Variants in PRH1 observed in about 807,000 individuals in gnomAD.
PRH1 encodes the protein salivary acidic proline-rich phosphoprotein 1/2.
PRH1 carries 7 observed loss-of-function variants against 7.9 expected under a neutral mutation model. The observed-to-expected ratio is 0.89, with a 90% confidence interval of 0.50 to 1.67. The LOEUF (loss-of-function observed/expected upper bound fraction) is 1.67. Among genes scored for constraint, PRH1 ranks in the 40% most tolerant of loss-of-function variants. PRH1 has a pLI of 0.00. For synonymous variants in PRH1, 45 were observed against 80.8 expected, an observed-to-expected ratio of 0.56 and a Z score of 2.38; for missense variants, 109 against 223.6, an observed-to-expected ratio of 0.49 and a Z score of 3.27.
intron 2 of PRH1, among the ~76,000 whole-genome samples, chr12:10,906,728 G>C (rs1949809532): frequency 6.6e-6 from 1 of 152,072 alleles, no homozygotes; most frequent in Non-Finnish European, 1.5e-5. Flanking sequence ...CGTGACTTTT[G>C]TCTCTGCCAT....
intron 2 of PRH1, among the ~76,000 whole-genome samples, chr12:10,923,119 C>G (rs980997830): frequency 6.8e-6 from 1 of 146,418 alleles, no homozygotes; most frequent in Non-Finnish European, 1.5e-5. Flanking sequence ...TGAGCCACCG[C>G]GCCCGGCCCT....
chr12:11,071,196 AG>A (rs1261965325), intron 1 of PRH1, among the ~76,000 whole-genome samples: 1 of 151,494 alleles, frequency 6.6e-6, no homozygotes, highest in Non-Finnish European at 1.5e-5. Context: ...TTTTACCTCC[AG>A]GAAGTGGACC....
At chr12:10,980,580 T>C (rs1037955314) in intron 1 of PRH1, among the ~76,000 whole-genome samples, 2 of 152,030 alleles carry the variant, frequency 1.3e-5, no homozygotes, top group Non-Finnish European at 2.9e-5. Flanking sequence ...ATAATATATA[T>C]AAATACATAT....
chr12:10,986,066 C>G (rs373977293), intron 1 of PRH1: 3 of 1,614,058 alleles, frequency 1.9e-6, no homozygotes, highest in Non-Finnish European at 2.5e-6. Flanking sequence ...TTCCAACAGC[C>G]TTGCTAACCA....
intron 1 of PRH1, among the ~76,000 whole-genome samples, chr12:11,032,439 C>G (rs1225999902): frequency 1.3e-5 from 2 of 152,200 alleles, no homozygotes; most frequent in East Asian, 1.9e-4. Context: ...TCCATAAGAT[C>G]TGGTTGCTGC....
intron 2 of PRH1, among the ~76,000 whole-genome samples, chr12:10,949,945 A>C (rs1238733497): frequency 2.0e-5 from 3 of 152,186 alleles, no homozygotes; most frequent in Non-Finnish European, 2.9e-5. Context: ...GTATTAAAAT[A>C]TATTTTTGCA....
chr12:10,913,686 C>G (rs1949933319), intron 2 of PRH1, among the ~76,000 whole-genome samples: 1 of 152,142 alleles, frequency 6.6e-6, no homozygotes, highest in African/African-American at 2.4e-5. Flanking sequence ...CCCCTCTCCC[C>G]CTTGAAGTTG....
intron 2 of PRH1, among the ~76,000 whole-genome samples, chr12:10,964,218 T>C (rs1330926874): frequency 6.6e-6 from 1 of 152,246 alleles, no homozygotes; most frequent in African/African-American, 2.4e-5. Context: ...TTATTGCCAC[T>C]CTCTCTTAAG....
At chr12:10,939,505 T>G (rs1950356823) in intron 2 of PRH1, among the ~76,000 whole-genome samples, 1 of 151,946 alleles carries the variant, frequency 6.6e-6, no homozygotes, top group South Asian at 2.1e-4. Context: ...GAATTCTCAT[T>G]TGTAAACATG....
chr12:11,018,215 A>C (rs559636806), intron 1 of PRH1, among the ~76,000 whole-genome samples: 1 of 152,306 alleles, frequency 6.6e-6, no homozygotes, highest in Admixed American at 6.5e-5. Context: ...TTACTGCAGA[A>C]CTATTCCCTC....
intron 1 of PRH1, among the ~76,000 whole-genome samples, chr12:11,168,339 G>A (rs1342855890): frequency 2.6e-5 from 1 of 38,140 alleles, no homozygotes; most frequent in African/African-American, 7.7e-5. Flanking sequence ...AAGGAAGGAA[G>A]GAAGGGAAAG....
At chr12:10,908,951 G>A in intron 2 of PRH1, 1 of 1,613,454 alleles carries the variant, frequency 6.2e-7, no homozygotes, top group Non-Finnish European at 8.5e-7. Flanking sequence ...GAAAAGCAGG[G>A]CTAGAGAAAC....
intron 1 of PRH1, among the ~76,000 whole-genome samples, chr12:11,069,659 G>C (rs934909552): frequency 6.6e-6 from 1 of 152,190 alleles, no homozygotes; most frequent in Non-Finnish European, 1.5e-5. Context: ...GATGACAGCA[G>C]TAGCTTCATT....
intron 1 of PRH1, chr12:10,986,609 A>C: frequency 6.2e-7 from 1 of 1,614,050 alleles, no homozygotes; most frequent in Non-Finnish European, 8.5e-7. Context: ...AGGCATTATA[A>C]GAAGTAATTC....
chr12:11,130,957 T>C (rs1232752083), intron 1 of PRH1, among the ~76,000 whole-genome samples: 2 of 151,252 alleles, frequency 1.3e-5, no homozygotes, highest in Admixed American at 1.3e-4. Flanking sequence ...TTTCTCAGAT[T>C]CCCTTCACTA....
chr12:11,120,329 T>G (rs896194334), downstream of PRH1, among the ~76,000 whole-genome samples: 5 of 152,232 alleles, frequency 3.3e-5, no homozygotes, highest in African/African-American at 1.2e-4. Context: ...TCATGAAGTC[T>G]GCCTATACAT....
intron 1 of PRH1, among the ~76,000 whole-genome samples, chr12:11,005,747 T>C (rs754846837): frequency 9.9e-5 from 15 of 152,120 alleles, no homozygotes; most frequent in Admixed American, 2.6e-4. Context: ...ATTTTCCCTC[T>C]CACCCTTTTC....
At chr12:11,002,396 A>C (rs1023426948) in intron 1 of PRH1, among the ~76,000 whole-genome samples, 2 of 152,128 alleles carry the variant, frequency 1.3e-5, no homozygotes, top group Non-Finnish European at 2.9e-5. Context: ...TATTTCATTA[A>C]GAATAAGTTA....
chr12:10,995,032 G>C (rs1043631131), intron 1 of PRH1, among the ~76,000 whole-genome samples: 2 of 152,104 alleles, frequency 1.3e-5, no homozygotes, highest in African/African-American at 4.8e-5. Flanking sequence ...TAGAATTGTG[G>C]AATAGCCAAA....
Sources: allele counts gnomAD v4.1 joint callset (sites outside exome capture counted in the v4.1 genomes callset), GRCh38; gene constraint gnomAD v4.1.1; transcripts MANE v1.5; gene names NCBI Gene and HGNC (gene_info 2026-07-23, HGNC 2026-07-21).